SLC2A14: variants seen among roughly 807,000 people sequenced by gnomAD.
SLC2A14 encodes the protein solute carrier family 2 member 14, also known as solute carrier family 2, facilitated glucose transporter member 14.
A neutral mutation model predicts 43.0 loss-of-function variants in SLC2A14; 13 were observed. The ratio of observed to expected loss-of-function variants is 0.30; its 90% CI spans 0.20 to 0.48. SLC2A14 has a LOEUF of 0.48. Among genes scored for constraint, SLC2A14 ranks in the 20% least tolerant of loss-of-function variants. The pLI, the probability that SLC2A14 is intolerant of heterozygous loss-of-function variation, is 0.99. For missense variants in SLC2A14, 428 were observed against 620.4 expected (o/e 0.69, Z 3.29); for synonymous variants, 190 against 233.8 (o/e 0.81, Z 1.71).
At chr12:7,873,518 A>G, upstream of SLC2A14, 3 of 220,768 alleles carry the variant, frequency 1.4e-5, no homozygotes, top group Non-Finnish European at 2.3e-5. Flanking sequence ...GTGCGCTCCT[A>G]TAGTCCCAAC....
chr12:7,854,874 G>C (rs112918689), intron 2 of SLC2A14, among the ~76,000 whole-genome samples: 5 of 151,326 alleles, frequency 3.3e-5, no homozygotes, highest in Non-Finnish European at 5.9e-5. Flanking sequence ...GTAGTGGCGC[G>C]ATCTCAGCTC....
At chr12:7,832,692 A>G in intron 3 of SLC2A14, 30 bp downstream of exon 3, 1 of 1,608,026 alleles carries the variant, frequency 6.2e-7, no homozygotes, top group Non-Finnish European at 8.5e-7. Flanking sequence ...TCCCTATTCC[A>G]GATTCTAATT....
At chr12:7,863,095 CT>C in intron 2 of SLC2A14, among the ~76,000 whole-genome samples, 1 of 152,134 alleles carries the variant, frequency 6.6e-6, no homozygotes, top group Non-Finnish European at 1.5e-5. Flanking sequence ...CTACTGCTCA[CT>C]TTTTATGTCC....
At chr12:7,884,733 G>C (rs1297856481) in intron 1 of SLC2A14, among the ~76,000 whole-genome samples, 2 of 152,016 alleles carry the variant, frequency 1.3e-5, no homozygotes, top group East Asian at 3.9e-4. Context: ...TTCTCTTCTG[G>C]GCTGTTAATA....
chr12:7,869,309 A>C (rs1945102533), intron 2 of SLC2A14, among the ~76,000 whole-genome samples: 1 of 152,174 alleles, frequency 6.6e-6, no homozygotes, highest in Non-Finnish European at 1.5e-5. Context: ...CACATGTGGC[A>C]AATTAGGCAT....
chr12:7,828,752 G>C lies in SLC2A14; in HGVS notation c.628C>G (p.Pro210Ala), dbSNP rs1049534574. 3 of 1,614,094 alleles carry C rather than the reference G, an allele frequency of 1.9e-6. No homozygotes were observed. Among genetic ancestry groups the C allele is most frequent in the African/African-American group, 2.7e-5 (2 of 75,022 alleles). ...SAALPCCPES[P>A]RFLLINRKKE... ...TTTCTGTTAATGAGCAAAAATCTGGGACTTTCAGGGCAACATGGAAGGGCT... is the reference window on the plus strand; with the variant it reads ...TTTCTGTTAATGAGCAAAAATCTGGCACTTTCAGGGCAACATGGAAGGGCT... The change falls in exon 6 of 11, where the codon CCC (proline) becomes GCC (alanine). Residue 210 changes from proline (P) to alanine (A), a missense_variant. By Grantham distance (27) the Pro-to-Ala change is conservative. This residue lies in a region of SLC2A14 where 185 missense variants were observed against 275.4 expected (regional missense o/e 0.67). Transcript: ENST00000431042.
intron 2 of SLC2A14, among the ~76,000 whole-genome samples, chr12:7,853,322 C>G (rs989404581): frequency 6.6e-6 from 1 of 151,210 alleles, no homozygotes; most frequent in Non-Finnish European, 1.5e-5. Context: ...GCCTGTAATC[C>G]CAGCTACTCA....
intron 1 of SLC2A14, chr12:7,872,360 T>G (rs967089901): frequency 2.0e-5 from 3 of 152,206 alleles, no homozygotes; most frequent in Non-Finnish European, 2.9e-5. Context: ...CTCCCTCATT[T>G]CATTCAGGTC....
intron 2 of SLC2A14, among the ~76,000 whole-genome samples, chr12:7,849,904 C>CA (rs760893036): frequency 4.7e-3 from 307 of 65,032 alleles, no homozygotes; most frequent in Middle Eastern, 0.027. Context: ...GACTCCATCT[C>CA]AAAAAAAAAA....
Position 7,864,853 on chromosome 12 carries a change from C to T in SLC2A14, c.18+5010G>A, listed in dbSNP as rs111295730. Among the ~76,000 whole-genome samples the T allele has an allele frequency of 3.1e-3, 474 of 152,130 alleles. 4 individuals are homozygous for T. The highest frequency in any genetic ancestry group is 0.011 in the African/African-American group (441 of 41,522). On this transcript the variant is annotated intron_variant, in intron 2 of 10. Transcript: ENST00000431042. ...CATACTCTTAGGGTATTTTCATATG[C>T]CTTTCCCTCTATCTGAAACACTCTT...
upstream of SLC2A14, among the ~76,000 whole-genome samples, chr12:7,878,069 A>G (rs1364431155): frequency 2.7e-5 from 4 of 150,640 alleles, no homozygotes; most frequent in Admixed American, 6.6e-5. Flanking sequence ...TATTTTTTTG[A>G]GACAGAGTTT....
chr12:7,887,899 C>A (rs1592338697), intron 1 of SLC2A14, among the ~76,000 whole-genome samples: 1 of 152,136 alleles, frequency 6.6e-6, no homozygotes, highest in Non-Finnish European at 1.5e-5. Flanking sequence ...AGCTCAAAAT[C>A]TTCCTTTGGC....
intron 2 of SLC2A14, among the ~76,000 whole-genome samples, chr12:7,834,067 C>T (rs779838311): frequency 6.6e-6 from 1 of 152,114 alleles, no homozygotes; most frequent in Non-Finnish European, 1.5e-5. Context: ...TCAGATGTCT[C>T]AGTCACAACT....
At chr12:7,880,038 C>A (rs1212072360) in intron 1 of SLC2A14, among the ~76,000 whole-genome samples, 1 of 151,330 alleles carries the variant, frequency 6.6e-6, no homozygotes, top group Admixed American at 6.6e-5. Flanking sequence ...CATCATGGCT[C>A]ACACCTATAA....
chr12:7,861,470 A>C (rs561614948), intron 2 of SLC2A14, among the ~76,000 whole-genome samples: 15 of 152,154 alleles, frequency 9.9e-5, no homozygotes, highest in African/African-American at 3.6e-4. Context: ...TTTGGGAAAA[A>C]GCAGGTTTTC....
chr12:7,827,270 CTTTT>C (rs71038780), intron 7 of SLC2A14, among the ~76,000 whole-genome samples: 4 of 99,248 alleles, frequency 4.0e-5, no homozygotes, highest in African/African-American at 7.7e-5. Context: ...TAATTTTTGT[CTTTT>C]TTTTTTTTTT....
chr12:7,850,315 C>T (rs748960380), intron 2 of SLC2A14, among the ~76,000 whole-genome samples: 2 of 152,198 alleles, frequency 1.3e-5, no homozygotes, highest in South Asian at 2.1e-4. Context: ...AAAGCAAGTT[C>T]GGGGATGCTG....
chr12:7,883,361 G>A (rs1219004755), intron 1 of SLC2A14, among the ~76,000 whole-genome samples: 1 of 148,488 alleles, frequency 6.7e-6, no homozygotes, highest in Non-Finnish European at 1.5e-5. Flanking sequence ...CAGCCTCCTG[G>A]GTTCACGCCA....
intron 2 of SLC2A14, among the ~76,000 whole-genome samples, chr12:7,844,258 T>G (rs186358428): frequency 1.3e-5 from 2 of 152,182 alleles, no homozygotes; most frequent in African/African-American, 4.8e-5. Context: ...TGTACTCTTT[T>G]GTGCTCAGAT....
Sources: gnomAD v4.1 joint callset for allele counts (sites outside exome capture counted in the v4.1 genomes callset) on GRCh38, gnomAD v4.1.1 for gene constraint, gnomAD v4.1.1 regional missense constraint, MANE v1.5 for transcripts, NCBI Gene and HGNC (gene_info 2026-07-23, HGNC 2026-07-21) for gene names.